TCF4: variants seen among roughly 807,000 people sequenced by gnomAD.
TCF4 encodes SL3-3 enhancer factor 2.
In TCF4, 3 loss-of-function variants were observed where a neutral mutation model predicts 82.1. That is an observed-to-expected ratio of 0.04 (90% CI 0.02 to 0.09). The LOEUF (loss-of-function observed/expected upper bound fraction) is 0.09. Among genes scored for constraint, TCF4 ranks in the 10% least tolerant of loss-of-function variants. TCF4 has a pLI of 1.00. For missense variants in TCF4, 518 were observed against 852.7 expected, an observed-to-expected ratio of 0.61 and a Z score of 4.89; for synonymous variants, 276 against 309.6, an observed-to-expected ratio of 0.89 and a Z score of 1.14.
At chr18:55,295,598 C>T (rs2066296417) in intron 8 of TCF4, among the ~76,000 whole-genome samples, 1 of 152,204 alleles carries the variant, frequency 6.6e-6, no homozygotes, top group Non-Finnish European at 1.5e-5. Flanking sequence ...AATTCAATTA[C>T]TTCTCAGGCA....
Position 55,425,932 on chromosome 18 carries a change from G to A in TCF4, c.305-22414C>T, listed in dbSNP as rs1264861819. Among the ~76,000 whole-genome samples the A allele has an allele frequency of 2.6e-5, 4 of 152,088 alleles. No homozygotes were observed. In the East Asian group the frequency reaches 7.7e-4, roughly 29 times the overall value. On this transcript the variant is annotated intron_variant, in intron 5 of 19. Coordinates refer to ENST00000354452, the MANE Select transcript of TCF4 (RefSeq NM_001083962.2). The stretch of plus-strand genomic sequence containing the variant: ...TGCTGTTTAAACTACCACTCTACAG[G>A]AAGATGGGAAATGCCTAGTGCTCTA...
At chr18:55,597,082 G>A (rs193196846) in intron 2 of TCF4, among the ~76,000 whole-genome samples, 11 of 152,276 alleles carry the variant, frequency 7.2e-5, no homozygotes, top group Admixed American at 2.6e-4. Flanking sequence ...ATGTGAAGAT[G>A]TGCCTGCTTC....
chr18:55,501,531 CT>C (rs1236513694), intron 3 of TCF4, among the ~76,000 whole-genome samples: 3 of 152,062 alleles, frequency 2.0e-5, no homozygotes, highest in Admixed American at 2.0e-4. Flanking sequence ...ATTAAAAGGA[CT>C]TTTATAAATC....
intron 5 of TCF4, among the ~76,000 whole-genome samples, chr18:55,417,534 TA>T (rs1346476110): frequency 3.9e-5 from 6 of 152,240 alleles, no homozygotes; most frequent in African/African-American, 1.4e-4. Flanking sequence ...GTGGTTTACT[TA>T]TTATCTATCA....
intron 2 of TCF4, among the ~76,000 whole-genome samples, chr18:55,597,009 A>G (rs1012767513): frequency 6.6e-6 from 1 of 152,106 alleles, no homozygotes; most frequent in Non-Finnish European, 1.5e-5. Flanking sequence ...GTGACTTCTC[A>G]TGAGATCTGG....
chr18:55,585,844 G>A, intron 2 of TCF4: 1 of 1,156,586 alleles, frequency 8.6e-7, no homozygotes, highest in Non-Finnish European at 1.1e-6. Flanking sequence ...TCTAACAGGA[G>A]AGCAATTTGA....
rs181310595 is a variant in TCF4, at chr18:55,584,183, C to G, written c.145+1097G>C. On this transcript the variant is annotated intron_variant, in intron 3 of 19. Transcript: ENST00000354452. The stretch of plus-strand genomic sequence containing the variant: ...ATAAAAATATACCAATTATACAAAT[C>G]ACATAAGTGAACAAACTTCTTTCAT... Among the ~76,000 whole-genome samples, 370 of 152,222 alleles carry G rather than the reference C, an allele frequency of 2.4e-3. 1 individual carries two copies. The highest frequency in any genetic ancestry group is 4.1e-3 in the Non-Finnish European group (277 of 67,962).
At chr18:55,320,070 C>T (rs1158663780) in intron 8 of TCF4, among the ~76,000 whole-genome samples, 1 of 151,886 alleles carries the variant, frequency 6.6e-6, no homozygotes, top group Non-Finnish European at 1.5e-5. Context: ...ACAAAATTTT[C>T]ATTAAAAGTG....
intron 8 of TCF4, among the ~76,000 whole-genome samples, chr18:55,301,545 A>G (rs981650947): frequency 7.2e-5 from 11 of 152,140 alleles, no homozygotes; most frequent in African/African-American, 2.7e-4. Flanking sequence ...ACAAACAACT[A>G]ACTTATTCTA....
chr18:55,524,466 A>G (rs1410506777), intron 3 of TCF4, among the ~76,000 whole-genome samples: 3 of 152,150 alleles, frequency 2.0e-5, no homozygotes, highest in African/African-American at 7.2e-5. Flanking sequence ...TATCTTGCTA[A>G]TCATTTTCAG....
rs75329899 is a variant in TCF4, at chr18:55,350,640, T to C, written c.500-232A>G. Among the ~76,000 whole-genome samples the C allele has an allele frequency of 0.011, 1,706 of 152,158 alleles. 45 individuals are homozygous for C. The highest frequency in any genetic ancestry group is 0.037 in the African/African-American group (1,547 of 41,516). ...GATCTTTTAATAGCTTCCTTATGGG[T>C]GCAGCTAAGAGAAAACTAGACATAA... On this transcript the variant is annotated intron_variant, in intron 7 of 19. Transcript: ENST00000354452.
At chr18:55,285,748 G>C (rs1334497884) in intron 8 of TCF4, among the ~76,000 whole-genome samples, 2 of 152,214 alleles carry the variant, frequency 1.3e-5, no homozygotes, top group Non-Finnish European at 2.9e-5. Context: ...CGTCAGGACA[G>C]CTATCACAGT....
chr18:55,287,804 C>T (rs1466060277), intron 8 of TCF4, among the ~76,000 whole-genome samples: 1 of 152,186 alleles, frequency 6.6e-6, no homozygotes, highest in Non-Finnish European at 1.5e-5. Context: ...CTACCTTGTT[C>T]TTTCTTCCCT....
At chr18:55,422,984 A>AACAC (rs147283421) in intron 5 of TCF4, among the ~76,000 whole-genome samples, 4 of 150,352 alleles carry the variant, frequency 2.7e-5, no homozygotes, top group African/African-American at 7.3e-5. Flanking sequence ...AACACCACCA[A>AACAC]ACACACACAC....
intron 3 of TCF4, among the ~76,000 whole-genome samples, chr18:55,557,839 A>T (rs954985359): frequency 2.0e-5 from 3 of 152,106 alleles, no homozygotes; most frequent in Non-Finnish European, 4.4e-5. Context: ...TACATGAAAG[A>T]CAAATTGACA....
chr18:55,238,095 T>C (rs933631786), intron 15 of TCF4, among the ~76,000 whole-genome samples: 1 of 152,258 alleles, frequency 6.6e-6, no homozygotes, highest in Non-Finnish European at 1.5e-5. Context: ...AAATACGTCA[T>C]AATGTGACTA....
intron 16 of TCF4, among the ~76,000 whole-genome samples, chr18:55,233,944 TC>T (rs2048620699): frequency 1.3e-5 from 2 of 152,028 alleles, no homozygotes; most frequent in Non-Finnish European, 2.9e-5. Context: ...CCACATGTAT[TC>T]CTGTGGCAAT....
intron 6 of TCF4, among the ~76,000 whole-genome samples, chr18:55,399,874 TCTCTCTCACACA>T (rs1183940398): frequency 7.7e-6 from 1 of 130,138 alleles, no homozygotes; most frequent in African/African-American, 3.2e-5. Context: ...TCTCTCTCTC[TCTCTCTCACACA>T]CACACACACA....
intron 12 of TCF4, among the ~76,000 whole-genome samples, chr18:55,260,300 T>C (rs917921427): frequency 3.3e-5 from 5 of 152,176 alleles, no homozygotes; most frequent in Admixed American, 6.5e-5. Context: ...CTACTGGCTG[T>C]GTGGCTATGG....
Sources: gnomAD v4.1 joint callset for allele counts (sites outside exome capture counted in the v4.1 genomes callset) on GRCh38, gnomAD v4.1.1 for gene constraint, MANE v1.5 for transcripts, NCBI Gene and HGNC (gene_info 2026-07-23, HGNC 2026-07-21) for gene names.